Variants in ARHGAP10 observed in about 807,000 individuals in gnomAD.
ARHGAP10 encodes rho GTPase-activating protein 10.
ARHGAP10 carries 87 observed loss-of-function variants against 108.6 expected under a neutral mutation model. That is an observed-to-expected ratio of 0.80 (90% CI 0.67 to 0.96). ARHGAP10 has a LOEUF of 0.96. Among genes scored for constraint, ARHGAP10 ranks in the 40% least tolerant of loss-of-function variants. ARHGAP10 has a pLI of 0.00. For synonymous variants in ARHGAP10, 347 were observed against 341.1 expected, an observed-to-expected ratio of 1.02 and a Z score of -0.19; for missense variants, 939 against 954.5, an observed-to-expected ratio of 0.98 and a Z score of 0.21.
At chr4:147,773,476 A>G (rs1361619396) in intron 1 of ARHGAP10, among the ~76,000 whole-genome samples, 1 of 152,210 alleles carries the variant, frequency 6.6e-6, no homozygotes, top group Non-Finnish European at 1.5e-5. Flanking sequence ...CTGCCCAGAG[A>G]CAGCTTGGGA....
intron 14 of ARHGAP10, among the ~76,000 whole-genome samples, chr4:147,942,296 A>AT (rs1738190030): frequency 6.6e-6 from 1 of 152,142 alleles, no homozygotes; most frequent in African/African-American, 2.4e-5. Flanking sequence ...GCCATGTACT[A>AT]TTTTTTGAGG....
intron 1 of ARHGAP10, among the ~76,000 whole-genome samples, chr4:147,805,753 A>G (rs1340610135): frequency 6.6e-6 from 1 of 152,194 alleles, no homozygotes; most frequent in Non-Finnish European, 1.5e-5. Context: ...GTTTACGGCA[A>G]CAGTGAGCTA....
chr4:147,798,908 C>G (rs1431627229), intron 1 of ARHGAP10, among the ~76,000 whole-genome samples: 1 of 150,774 alleles, frequency 6.6e-6, no homozygotes, highest in Non-Finnish European at 1.5e-5. Context: ...ATTGGTGTTC[C>G]TTACAGATCA....
chr4:147,878,101 TA>T (rs1735149484), intron 8 of ARHGAP10, among the ~76,000 whole-genome samples: 1 of 150,112 alleles, frequency 6.7e-6, no homozygotes, highest in South Asian at 2.1e-4. Context: ...CACGCCCAGC[TA>T]ATTTTTTTTT....
intron 1 of ARHGAP10, among the ~76,000 whole-genome samples, chr4:147,784,835 TATTATAA>T (rs1730801948): frequency 1.0e-5 from 1 of 100,238 alleles, no homozygotes; most frequent in African/African-American, 3.9e-5. Flanking sequence ...ATTATAAATA[TATTATAA>T]AATATATATT....
At chr4:147,830,508 AT>A (rs1409429647) in intron 3 of ARHGAP10, among the ~76,000 whole-genome samples, 5 of 113,728 alleles carry the variant, frequency 4.4e-5, no homozygotes, top group African/African-American at 1.6e-4. Context: ...CAAAACCACA[AT>A]TCCTTTTTTT....
intron 1 of ARHGAP10, among the ~76,000 whole-genome samples, chr4:147,745,943 C>T (rs957773017): frequency 6.6e-6 from 1 of 150,922 alleles, no homozygotes; most frequent in African/African-American, 2.4e-5. Flanking sequence ...TGCACCACCA[C>T]ACCTGGCTAA....
chr4:147,867,733 G>A (rs1356870593), intron 7 of ARHGAP10, among the ~76,000 whole-genome samples: 1 of 151,916 alleles, frequency 6.6e-6, no homozygotes, highest in Non-Finnish European at 1.5e-5. Flanking sequence ...GTGTGGTGGA[G>A]TGCGCCTGTA....
chr4:147,975,933 A>ACGAT (rs1739576051), intron 18 of ARHGAP10, among the ~76,000 whole-genome samples: 1 of 152,294 alleles, frequency 6.6e-6, no homozygotes, highest in Non-Finnish European at 1.5e-5. Flanking sequence ...TCTCTTTGCC[A>ACGAT]CGATCAGTAG....
At chr4:147,856,192 A>C (rs1734075387) in intron 4 of ARHGAP10, among the ~76,000 whole-genome samples, 1 of 152,222 alleles carries the variant, frequency 6.6e-6, no homozygotes, top group Non-Finnish European at 1.5e-5. Context: ...CTGCATTTAT[A>C]AATGTGTATA....
intron 15 of ARHGAP10, among the ~76,000 whole-genome samples, chr4:147,953,472 G>A (rs1047315816): frequency 4.6e-5 from 7 of 151,996 alleles, no homozygotes; most frequent in South Asian, 2.1e-4. Flanking sequence ...CTTCTTGAGC[G>A]AACTTTGGTA....
rs1002058175 is a variant in ARHGAP10 at position 148,060,347 on chromosome 4, T to C, written c.2028-2801T>C. On this transcript the variant is annotated intron_variant, in intron 20 of 22. Transcript: ENST00000336498. ...TTACATAACGAAGCTCATGTTTAGT[T>C]TTTTTTTTTTTTTTTTTTTGGCCTT... Among the ~76,000 whole-genome samples, 27 of 146,838 alleles carry C rather than the reference T, an allele frequency of 1.8e-4. 2 individuals are homozygous for C. Among genetic ancestry groups the C allele is most frequent in the Admixed American group, 3.4e-4 (5 of 14,752 alleles).
chr4:148,007,827 C>T (rs1741011225), intron 18 of ARHGAP10, among the ~76,000 whole-genome samples: 1 of 152,172 alleles, frequency 6.6e-6, no homozygotes, highest in African/African-American at 2.4e-5. Context: ...AAAATTGATA[C>T]TGTGGCTTGC....
intron 7 of ARHGAP10, among the ~76,000 whole-genome samples, chr4:147,872,446 A>G (rs528166091): frequency 6.6e-6 from 1 of 152,340 alleles, no homozygotes; most frequent in African/African-American, 2.4e-5. Flanking sequence ...ATATAGGTAG[A>G]TAAAGAAGTA....
At chr4:147,952,591 A>G (rs1738644547) in intron 15 of ARHGAP10, among the ~76,000 whole-genome samples, 1 of 151,996 alleles carries the variant, frequency 6.6e-6, no homozygotes, top group Non-Finnish European at 1.5e-5. Flanking sequence ...CTTTTTCCCA[A>G]TTTTTTACAA....
chr4:148,042,140 C>G (rs900678479), intron 19 of ARHGAP10, among the ~76,000 whole-genome samples: 2 of 152,164 alleles, frequency 1.3e-5, no homozygotes, highest in African/African-American at 2.4e-5. Context: ...CAGTATGCTC[C>G]TTGTTTTTTT....
chr4:147,906,640 C>A lies in ARHGAP10; in HGVS notation c.1037C>A (p.Pro346His), dbSNP rs149405506. The A allele has an allele frequency of 1.4e-4, 222 of 1,614,058 alleles. 2 individuals are homozygous for A. The East Asian group carries it at 4.9e-3, about 36-fold the overall frequency. The part of the protein sequence containing the change: ...FCFDIEAADR[P>H]GVSLTMQAFS... ...GATATGTTACTGGTGTCTTTCAGGC[C>A]TGGCGTTTCCTTGACCATGCAGGCA... The change falls in exon 11 of 23, where the codon CCT (proline) becomes CAT (histidine). Residue 346 changes from proline (P) to histidine (H), a missense_variant and splice_region_variant. By Grantham distance (77) the Pro-to-His change is moderately conservative. Coordinates refer to ENST00000336498, the MANE Select transcript of ARHGAP10 (RefSeq NM_024605.4).
intron 18 of ARHGAP10, among the ~76,000 whole-genome samples, chr4:147,989,886 C>T (rs988720804): frequency 2.6e-5 from 4 of 152,160 alleles, no homozygotes; most frequent in Non-Finnish European, 4.4e-5. Flanking sequence ...GATAAGTGTC[C>T]ATGAAATCTT....
At chr4:148,000,705 G>T (rs538332667) in intron 18 of ARHGAP10, among the ~76,000 whole-genome samples, 1 of 152,288 alleles carries the variant, frequency 6.6e-6, no homozygotes, top group Admixed American at 6.5e-5. Flanking sequence ...TCATGTGTCT[G>T]TTGGCTGCAT....
Sources: allele counts gnomAD v4.1 joint callset (sites outside exome capture counted in the v4.1 genomes callset), GRCh38; gene constraint gnomAD v4.1.1; transcripts MANE v1.5; gene names NCBI Gene and HGNC (gene_info 2026-07-23, HGNC 2026-07-21).